GTF2H3: variants seen among roughly 807,000 people sequenced by gnomAD.
GTF2H3 encodes the protein general transcription factor IIH subunit 3.
A neutral mutation model predicts 51.1 loss-of-function variants in GTF2H3; 42 were observed. The ratio of observed to expected loss-of-function variants is 0.82; its 90% CI spans 0.64 to 1.06. GTF2H3 has a LOEUF of 1.06. Among genes scored for constraint, GTF2H3 ranks in the 50% least tolerant of loss-of-function variants. GTF2H3 has a pLI of 0.00. For missense variants in GTF2H3, 326 were observed against 366.1 expected (o/e 0.89, Z 0.89); for synonymous variants, 123 against 123.8 (o/e 0.99, Z 0.04).
At chr12:123,645,393 A>G in intron 2 of GTF2H3, 62 bp from the exon 3 acceptor site, 2 of 893,808 alleles carry the variant, frequency 2.2e-6, no homozygotes, top group Non-Finnish European at 1.9e-6. Context: ...AATTATGTCA[A>G]GACCTGACAT....
chr12:123,645,545 A>G lies in GTF2H3; in HGVS notation c.184A>G (p.Ser62Gly). ...TTCCAACAAACTTGCTGTGATAGCA[A>G]GTCACATTCAAGAAAGGTATGACCA... ...NRSNKLAVIA[S>G]HIQESRFLYP... Residue 62 changes from serine (S) to glycine (G), a missense_variant, in exon 3 of 13, where the codon AGT becomes GGT. Coordinates refer to ENST00000543341, the MANE Select transcript of GTF2H3 (RefSeq NM_001516.5). The G allele has an allele frequency of 6.3e-7, 1 of 1,580,024 alleles. No homozygotes were observed. Among genetic ancestry groups the G allele is most frequent in the Non-Finnish European group, 8.7e-7 (1 of 1,149,036 alleles).
At chr12:123,641,931 G>A (rs1955381166) in intron 2 of GTF2H3, among the ~76,000 whole-genome samples, 1 of 152,058 alleles carries the variant, frequency 6.6e-6, no homozygotes. Context: ...TCGGCTCCCT[G>A]CAACCTCCAT....
chr12:123,653,534 A>G (rs770957168), intron 7 of GTF2H3, among the ~76,000 whole-genome samples: 1 of 151,960 alleles, frequency 6.6e-6, no homozygotes, highest in Non-Finnish European at 1.5e-5. Context: ...CTGTAGTCCC[A>G]GCTACTCGGG....
intron 5 of GTF2H3, among the ~76,000 whole-genome samples, chr12:123,651,561 T>C (rs1236741699): frequency 2.6e-5 from 4 of 151,834 alleles, no homozygotes; most frequent in Non-Finnish European, 5.9e-5. Context: ...GGCTCATGCC[T>C]GTAATCCCAG....
intron 1 of GTF2H3, among the ~76,000 whole-genome samples, chr12:123,635,361 G>A (rs1015482317): frequency 6.6e-6 from 1 of 151,984 alleles, no homozygotes; most frequent in South Asian, 2.1e-4. Flanking sequence ...ACTTGAGGTC[G>A]GGAGTTCGAG....
At chr12:123,644,450 G>A (rs566838304) in intron 2 of GTF2H3, among the ~76,000 whole-genome samples, 60 of 152,228 alleles carry the variant, frequency 3.9e-4, no homozygotes, top group African/African-American at 1.4e-3. Flanking sequence ...GGCGGATCAT[G>A]AGGTAAAGAG....
chr12:123,636,707 C>T (rs561256614), intron 1 of GTF2H3, among the ~76,000 whole-genome samples: 13 of 152,318 alleles, frequency 8.5e-5, no homozygotes, highest in Admixed American at 6.5e-5. Flanking sequence ...CACCTGAGGT[C>T]GGGAGTTCGA....
Position 123,660,265 on chromosome 12 carries a change from C to T in GTF2H3, c.*30C>T. 6.7e-7 allele frequency: 1 copy of T among 1,491,006 alleles called. No homozygotes were observed. Among genetic ancestry groups the T allele is most frequent in the Non-Finnish European group, 9.2e-7 (1 of 1,082,324 alleles). 92.4% of individuals were successfully genotyped at this position (1,491,006 alleles called of 1,614,324 possible). On this transcript the variant is annotated 3_prime_UTR_variant, in exon 13 of 13. Coordinates refer to ENST00000543341, the MANE Select transcript of GTF2H3 (RefSeq NM_001516.5). ...AAAATATTTTCCCCATCTTTTAGAG[C>T]TGTTAATAGAAATTATATAGCAGAT... is the stretch of plus-strand genomic sequence containing the variant.
intron 9 of GTF2H3, chr12:123,656,140 ATGT>A: frequency 4.3e-6 from 1 of 231,420 alleles, no homozygotes. Context: ...TTGGCCACAA[ATGT>A]TGTTTCCTAA....
chr12:123,637,593 G>T (rs528047706), intron 1 of GTF2H3, among the ~76,000 whole-genome samples: 1 of 149,752 alleles, frequency 6.7e-6, no homozygotes, highest in South Asian at 2.1e-4. Flanking sequence ...ACCTCTGCCT[G>T]CCAGGTTCAA....
Position 123,636,777 on chromosome 12 carries a change from C to A in GTF2H3, c.14-2487C>A, listed in dbSNP as rs1259659819. 2.6e-5 allele frequency among the ~76,000 whole-genome samples: 4 copies of A among 152,074 alleles called. No individual in the cohort carries two copies. In the East Asian group the frequency reaches 7.7e-4, roughly 29 times the overall value. On this transcript the variant is annotated intron_variant, in intron 1 of 12. Coordinates refer to ENST00000543341, the MANE Select transcript of GTF2H3 (RefSeq NM_001516.5). ...TACTGAAAATACAAAATTAGCTGGG[C>A]GTGGTGGTGCATGCCTGTAATCCCG...
At chr12:123,643,089 G>T (rs1360982988) in intron 2 of GTF2H3, among the ~76,000 whole-genome samples, 1 of 152,142 alleles carries the variant, frequency 6.6e-6, no homozygotes, top group African/African-American at 2.4e-5. Flanking sequence ...TGTTGCCCAG[G>T]CTGGTTGCAA....
intron 2 of GTF2H3, among the ~76,000 whole-genome samples, chr12:123,644,334 G>A (rs941825485): frequency 3.9e-5 from 6 of 152,018 alleles, no homozygotes; most frequent in Admixed American, 2.6e-4. Flanking sequence ...AGGTGAGCTC[G>A]AGGAAAGAAG....
chr12:123,640,106 C>T (rs754157967), intron 2 of GTF2H3: 13 of 372,478 alleles, frequency 3.5e-5, no homozygotes, highest in South Asian at 5.8e-5. Context: ...GTGATCTGCC[C>T]GCTTTGGCTT....
Position 123,659,878 on chromosome 12 carries a change from C to T in GTF2H3, c.768C>T (p.Phe256=), listed in dbSNP as rs1459976034. The T allele has an allele frequency of 1.2e-6, 2 of 1,614,086 alleles. No individual in the cohort carries two copies. Among genetic ancestry groups the T allele is most frequent in the East Asian group, 4.5e-5 (2 of 44,890 alleles). Residue 256 remains phenylalanine (F), a synonymous_variant, in exon 11 of 13, where the codon TTC becomes TTT. Coordinates refer to ENST00000543341, the MANE Select transcript of GTF2H3 (RefSeq NM_001516.5). ...PVHVDYRAAC[F]CHRNLIEIGY... is the part of the protein sequence containing the mutation. ...ATGTTGACTACAGGGCTGCTTGCTT[C>T]TGTCATCGAAATCTCATTGAAATTG...
intron 11 of GTF2H3, 49 bp from the exon 12 acceptor site, chr12:123,659,997 G>A: frequency 6.3e-7 from 1 of 1,592,558 alleles, no homozygotes; most frequent in Non-Finnish European, 8.5e-7. Context: ...TTTCTCAGCT[G>A]TGTTGTTTTT....
rs373694023 is a variant in GTF2H3 at position 123,653,605 on chromosome 12, C to T, written c.486+870C>T. 3.6e-4 allele frequency among the ~76,000 whole-genome samples: 54 copies of T among 151,236 alleles called. 1 individual carries two copies. In the South Asian group the frequency reaches 8.6e-3, roughly 24 times the overall value. Reference sequence around the variant, plus strand: ...CAGAGGTTGCAGTGAGCCGAGATTGCGCCACTGCACTCCAGCCTGGGCAAC... The same window carrying T: ...CAGAGGTTGCAGTGAGCCGAGATTGTGCCACTGCACTCCAGCCTGGGCAAC... On this transcript the variant is annotated intron_variant, in intron 7 of 12. Transcript: ENST00000543341.
At chr12:123,657,195 C>T (rs1287175720) in intron 9 of GTF2H3, among the ~76,000 whole-genome samples, 1 of 150,796 alleles carries the variant, frequency 6.6e-6, no homozygotes, top group African/African-American at 2.4e-5. Context: ...TAACAGTAAA[C>T]ACTGCAATTA....
intron 4 of GTF2H3, chr12:123,650,056 T>C (rs1056460818): frequency 6.6e-6 from 1 of 152,184 alleles, no homozygotes; most frequent in Admixed American, 6.6e-5. Flanking sequence ...AATCTCACCT[T>C]GAGAGTCACT....
Sources: allele counts gnomAD v4.1 joint callset (sites outside exome capture counted in the v4.1 genomes callset), GRCh38; gene constraint gnomAD v4.1.1; transcripts MANE v1.5; gene names NCBI Gene and HGNC (gene_info 2026-07-23, HGNC 2026-07-21).